Variants in EIF2AK2 observed in about 807,000 individuals in gnomAD.
EIF2AK2 encodes interferon-induced, double-stranded RNA-activated protein kinase.
A neutral mutation model predicts 70.5 loss-of-function variants in EIF2AK2; 40 were observed. The observed-to-expected ratio is 0.57, with a 90% confidence interval of 0.44 to 0.74. The LOEUF is 0.74. EIF2AK2 is among the 30% of genes least tolerant of loss of function. The pLI, the probability that EIF2AK2 is intolerant of heterozygous loss-of-function variation, is 0.00. For synonymous variants in EIF2AK2, 198 were observed against 220.9 expected, an observed-to-expected ratio of 0.90 and a Z score of 0.92; for missense variants, 555 against 644.3, an observed-to-expected ratio of 0.86 and a Z score of 1.50.
intron 14 of EIF2AK2, among the ~76,000 whole-genome samples, chr2:37,113,312 A>G (rs942276632): frequency 3.3e-5 from 5 of 152,054 alleles, no homozygotes; most frequent in African/African-American, 1.2e-4. Flanking sequence ...CCTGGCCAGC[A>G]TGGTGAAACC....
chr2:37,141,742 A>C (rs1278180947), intron 4 of EIF2AK2, 41 bp from the exon 5 acceptor site: 1 of 1,551,128 alleles, frequency 6.4e-7, no homozygotes, highest in Admixed American at 2.1e-5. Flanking sequence ...AAATGACAAC[A>C]AAGATTTAAC....
intron 11 of EIF2AK2, among the ~76,000 whole-genome samples, chr2:37,123,600 T>C (rs1425382712): frequency 6.6e-6 from 1 of 152,186 alleles, no homozygotes; most frequent in Non-Finnish European, 1.5e-5. Context: ...TCATACATTA[T>C]GTTTTGCTTA....
At chr2:37,141,967 G>A (rs866294142) in intron 4 of EIF2AK2, among the ~76,000 whole-genome samples, 11 of 152,220 alleles carry the variant, frequency 7.2e-5, no homozygotes, top group Middle Eastern at 3.4e-3. Flanking sequence ...TTTCTAGCTT[G>A]TTATACCCTT....
In EIF2AK2 at chr2:37,099,448, T is replaced by C. The variant is rs1673770625; in HGVS notation, c.*7825A>G. 1 of 152,192 alleles carries C rather than the reference T, an allele frequency of 6.6e-6. No homozygotes were observed. Among genetic ancestry groups the C allele is most frequent in the Admixed American group, 6.5e-5 (1 of 15,278 alleles). 9.4% of individuals were successfully genotyped at this position (152,192 alleles called of 1,614,324 possible). ...TTAGCAGTATAATGAAGAAAAGTGC[T>C]GTGTAGGAATGACTGAGCTCTAAGA... On this transcript the variant is annotated 3_prime_UTR_variant, in exon 17 of 17. Coordinates refer to ENST00000233057, the MANE Select transcript of EIF2AK2 (RefSeq NM_001135651.3).
At chr2:37,134,600 T>C (rs1435437825) in intron 10 of EIF2AK2, among the ~76,000 whole-genome samples, 4 of 152,208 alleles carry the variant, frequency 2.6e-5, no homozygotes, top group African/African-American at 9.6e-5. Context: ...GTATTAAATG[T>C]GTAAAAAATA....
chr2:37,099,295 T>TA lies in EIF2AK2; in HGVS notation c.*7977dup, dbSNP rs1212370262. 5 of 152,376 alleles carry TA rather than the reference T, an allele frequency of 3.3e-5. No individual in the cohort carries two copies. The highest frequency in any genetic ancestry group is 9.6e-5 in the African/African-American group (4 of 41,586). 9.4% of individuals were successfully genotyped at this position (152,376 alleles called of 1,614,324 possible). A position where few individuals can be genotyped will look rare whatever the true frequency, so the allele number is the denominator to read the frequency against. On this transcript the variant is annotated 3_prime_UTR_variant, in exon 17 of 17. Transcript: ENST00000233057. ...TTTGAAAATGAACATTATTATTTAT[T>TA]AGACACATTTTATAGGCTCATTCAA...
intron 1 of EIF2AK2, among the ~76,000 whole-genome samples, chr2:37,155,593 A>G (rs1319954226): frequency 6.6e-6 from 1 of 152,166 alleles, no homozygotes; most frequent in Non-Finnish European, 1.5e-5. Flanking sequence ...TAAACTAATT[A>G]GTGAGCTCTT....
chr2:37,156,085 T>C (rs933627006), intron 1 of EIF2AK2, among the ~76,000 whole-genome samples: 4 of 152,138 alleles, frequency 2.6e-5, no homozygotes, highest in Non-Finnish European at 5.9e-5. Context: ...GCTGCTCTGA[T>C]AAGCTGGCAT....
chr2:37,147,873 T>C, intron 2 of EIF2AK2, 51 bp from the exon 3 acceptor site: 5 of 1,333,392 alleles, frequency 3.7e-6, no homozygotes, highest in Non-Finnish European at 4.3e-6. Context: ...ACATATTTAA[T>C]CTGAGTTTCC....
intron 5 of EIF2AK2, among the ~76,000 whole-genome samples, chr2:37,140,600 GCC>G (rs113249365): frequency 6.7e-6 from 1 of 148,308 alleles, no homozygotes; most frequent in African/African-American, 2.5e-5. Flanking sequence ...TTCAGATACT[GCC>G]CCCCCCCGCA....
At chr2:37,110,795 C>G (rs1057372671) in intron 14 of EIF2AK2, among the ~76,000 whole-genome samples, 2 of 152,084 alleles carry the variant, frequency 1.3e-5, no homozygotes, top group African/African-American at 4.8e-5. Context: ...AAAAAAAAAT[C>G]ACATTCAAAT....
At chr2:37,116,261 C>A (rs920497803) in intron 13 of EIF2AK2, among the ~76,000 whole-genome samples, 9 of 151,920 alleles carry the variant, frequency 5.9e-5, no homozygotes, top group African/African-American at 2.2e-4. Context: ...ATTTTGTTAT[C>A]CAGGATGGAT....
chr2:37,148,896 C>T lies in EIF2AK2; in HGVS notation c.-56G>A, dbSNP rs999550533. 19 of 828,748 alleles carry T rather than the reference C, an allele frequency of 2.3e-5. No homozygotes were observed. Among genetic ancestry groups the T allele is most frequent in the Admixed American group, 1.4e-4 (8 of 58,500 alleles). The allele number at this position is 828,748 out of a possible 1,614,324, so 51.3% of individuals were successfully genotyped here. ...TGTCCAAAATGCACGCAGATAATCA[C>T]GGAAGTGTGGATGTTGATTCTGAAG... On this transcript the variant is annotated 5_prime_UTR_variant, in exon 2 of 17. The change creates a new upstream start codon in the 5' untranslated region. Coordinates refer to ENST00000233057, the MANE Select transcript of EIF2AK2 (RefSeq NM_001135651.3).
intron 2 of EIF2AK2, 192 bp downstream of exon 2, chr2:37,148,665 G>A: frequency 1.2e-6 from 1 of 819,924 alleles, no homozygotes; most frequent in Non-Finnish European, 2.2e-6. Flanking sequence ...CTTAGAACTG[G>A]AAGGACACTT....
At chr2:37,143,033 C>T (rs753339940) in intron 4 of EIF2AK2, among the ~76,000 whole-genome samples, 2 of 152,004 alleles carry the variant, frequency 1.3e-5, no homozygotes, top group South Asian at 4.1e-4. Context: ...TAAACACCAG[C>T]CTGGCCAACA....
At chr2:37,125,743 C>G (rs940082559) in intron 11 of EIF2AK2, among the ~76,000 whole-genome samples, 1 of 152,176 alleles carries the variant, frequency 6.6e-6, no homozygotes, top group Non-Finnish European at 1.5e-5. Context: ...CAGATGAGCA[C>G]AATCAACCCA....
At position 37,114,718 on chromosome 2, in the gene EIF2AK2, A is replaced by C. The variant is rs760211795; in HGVS notation, c.1377+13T>G. On this transcript the variant is annotated intron_variant, in intron 14 of 16. Coordinates refer to ENST00000233057, the MANE Select transcript of EIF2AK2 (RefSeq NM_001135651.3). ...AAGAAGTAAAATATAGACAGACAGGAAAGAGACCTTACCTGTTCTGGGCTC... is the reference window on the plus strand; with the variant it reads ...AAGAAGTAAAATATAGACAGACAGGCAAGAGACCTTACCTGTTCTGGGCTC... 6.5e-6 allele frequency: 10 copies of C among 1,538,862 alleles called. No individual in the cohort carries two copies. Among genetic ancestry groups the C allele is most frequent in the Non-Finnish European group, 7.8e-6 (9 of 1,149,540 alleles).
chr2:37,140,423 ACTAT>A (rs747767034), intron 5 of EIF2AK2, among the ~76,000 whole-genome samples: 53 of 152,206 alleles, frequency 3.5e-4, no homozygotes, highest in Non-Finnish European at 6.2e-4. Context: ...TCACAGGGTT[ACTAT>A]CTATTACTGA....
chr2:37,148,759 A>G, intron 2 of EIF2AK2, 98 bp downstream of exon 2: 1 of 831,850 alleles, frequency 1.2e-6, no homozygotes. Flanking sequence ...GTTGTGACCC[A>G]TTTAACATAC....
Sources: gnomAD v4.1 joint callset for allele counts (sites outside exome capture counted in the v4.1 genomes callset) on GRCh38, gnomAD v4.1.1 for gene constraint, MANE v1.5 for transcripts, NCBI Gene and HGNC (gene_info 2026-07-23, HGNC 2026-07-21) for gene names.